STAU2: variants seen among roughly 807,000 people sequenced by gnomAD.
STAU2 encodes the protein double-stranded RNA-binding protein Staufen homolog 2.
STAU2 carries 20 observed loss-of-function variants against 65.9 expected under a neutral mutation model. The ratio of observed to expected loss-of-function variants is 0.30; its 90% confidence interval spans 0.21 to 0.44. The LOEUF is 0.44. STAU2 is among the 20% of genes least tolerant of loss of function. The pLI, the probability that STAU2 is intolerant of heterozygous loss-of-function variation, is 1.00. For synonymous variants in STAU2, 232 were observed against 233.9 expected (o/e 0.99, Z 0.07); for missense variants, 558 against 683.9 (o/e 0.82, Z 2.05).
intron 13 of STAU2, among the ~76,000 whole-genome samples, chr8:73,541,477 T>A (rs904984138): frequency 6.6e-6 from 1 of 152,108 alleles, no homozygotes; most frequent in African/African-American, 2.4e-5. Context: ...AAAATATTAA[T>A]CTGGGGAAGA....
chr8:73,717,156 C>CA (rs1361181481), intron 3 of STAU2, among the ~76,000 whole-genome samples: 3 of 151,950 alleles, frequency 2.0e-5, no homozygotes, highest in African/African-American at 7.2e-5. Context: ...AAAGTTGGAG[C>CA]AAATGGACAG....
intron 13 of STAU2, among the ~76,000 whole-genome samples, chr8:73,501,552 C>T (rs1038616190): frequency 3.3e-5 from 5 of 151,882 alleles, no homozygotes; most frequent in Non-Finnish European, 7.4e-5. Context: ...GTAAGTAAAA[C>T]ATTTCCCAGA....
At chr8:73,470,653 A>G (rs1819943337) in intron 13 of STAU2, among the ~76,000 whole-genome samples, 1 of 151,962 alleles carries the variant, frequency 6.6e-6, no homozygotes, top group African/African-American at 2.4e-5. Flanking sequence ...TTTTTTTTTA[A>G]ATTAGCTGGG....
At chr8:73,696,547 T>G (rs1035601422) in intron 4 of STAU2, among the ~76,000 whole-genome samples, 1 of 152,028 alleles carries the variant, frequency 6.6e-6, no homozygotes, top group Non-Finnish European at 1.5e-5. Flanking sequence ...GAGATCAAAA[T>G]TAAAAAGAAT....
intron 3 of STAU2, among the ~76,000 whole-genome samples, chr8:73,734,623 A>G (rs1187299036): frequency 6.6e-6 from 1 of 151,966 alleles, no homozygotes; most frequent in Admixed American, 6.6e-5. Flanking sequence ...GTGAAACTCC[A>G]TCTCTACTAA....
chr8:73,454,458 G>A (rs760550703), intron 13 of STAU2, among the ~76,000 whole-genome samples: 2 of 152,096 alleles, frequency 1.3e-5, no homozygotes, highest in Admixed American at 6.6e-5. Flanking sequence ...TCATAAAACC[G>A]AATTTGAAAG....
chr8:73,720,882 CA>C (rs987202636), intron 3 of STAU2, among the ~76,000 whole-genome samples: 38 of 151,526 alleles, frequency 2.5e-4, no homozygotes, highest in African/African-American at 8.7e-4. Context: ...TTTTAATTTC[CA>C]AATATTTAGA....
At chr8:73,679,527 C>CGGG (rs1202640532) in intron 5 of STAU2, among the ~76,000 whole-genome samples, 2 of 151,032 alleles carry the variant, frequency 1.3e-5, no homozygotes, top group African/African-American at 4.9e-5. Flanking sequence ...ATCCAGATCA[C>CGGG]AGAAGAATTT....
chr8:73,697,044 G>GTT (rs1563513615), intron 4 of STAU2, among the ~76,000 whole-genome samples: 1 of 151,186 alleles, frequency 6.6e-6, no homozygotes, highest in African/African-American at 2.4e-5. Context: ...GCAGACTTTT[G>GTT]TTGTTTTGTT....
At chr8:73,473,002 C>T (rs944386112) in intron 13 of STAU2, among the ~76,000 whole-genome samples, 3 of 152,202 alleles carry the variant, frequency 2.0e-5, no homozygotes, top group African/African-American at 7.2e-5. Flanking sequence ...ACATTAGAAT[C>T]TTTTCCCAGT....
intron 5 of STAU2, among the ~76,000 whole-genome samples, chr8:73,678,567 T>C (rs1223315662): frequency 6.6e-6 from 1 of 152,224 alleles, no homozygotes; most frequent in Non-Finnish European, 1.5e-5. Flanking sequence ...ACTTGGCACT[T>C]AATCTTTACC....
At chr8:73,732,921 G>A (rs1391119326) in intron 3 of STAU2, 1 of 151,920 alleles carries the variant, frequency 6.6e-6, no homozygotes, top group Admixed American at 6.6e-5. Flanking sequence ...TTTTGCCTTT[G>A]TTATCTCAAT....
intron 12 of STAU2, among the ~76,000 whole-genome samples, chr8:73,558,220 C>T (rs760947492): frequency 6.6e-6 from 1 of 152,158 alleles, no homozygotes; most frequent in Non-Finnish European, 1.5e-5. Context: ...AGTAAATGCC[C>T]GGGGTTTGCC....
At chr8:73,620,463 C>G (rs1205850093) in intron 6 of STAU2, among the ~76,000 whole-genome samples, 2 of 152,090 alleles carry the variant, frequency 1.3e-5, no homozygotes, top group African/African-American at 4.8e-5. Flanking sequence ...GCCACAGAGA[C>G]AAACAAAATT....
At chr8:73,616,521 G>T (rs558422076) in intron 7 of STAU2, among the ~76,000 whole-genome samples, 2 of 151,938 alleles carry the variant, frequency 1.3e-5, no homozygotes, top group Non-Finnish European at 2.9e-5. Flanking sequence ...CTATGCTGCC[G>T]GGCATGGTGG....
chr8:73,684,457 A>G (rs1419677077), intron 5 of STAU2, among the ~76,000 whole-genome samples: 1 of 152,200 alleles, frequency 6.6e-6, no homozygotes, highest in African/African-American at 2.4e-5. Context: ...ATAAAAATTA[A>G]CTCAAGATGG....
chr8:73,639,455 T>C (rs1814793887), intron 6 of STAU2, among the ~76,000 whole-genome samples: 2 of 152,160 alleles, frequency 1.3e-5, no homozygotes, highest in East Asian at 3.9e-4. Context: ...ACGAAAGACA[T>C]GGAAGCCTAG....
intron 13 of STAU2, among the ~76,000 whole-genome samples, chr8:73,512,547 T>C (rs1458708084): frequency 6.6e-6 from 1 of 152,210 alleles, no homozygotes; most frequent in Non-Finnish European, 1.5e-5. Flanking sequence ...TTTGGTTTTT[T>C]TTTACCAGTA....
chr8:73,577,530 A>ACATT (rs1809664921), intron 12 of STAU2, among the ~76,000 whole-genome samples: 1 of 151,774 alleles, frequency 6.6e-6, no homozygotes, highest in South Asian at 2.1e-4. Context: ...TTGTAAATGT[A>ACATT]AGTGTTTTAA....
Sources: gnomAD v4.1 joint callset for allele counts (sites outside exome capture counted in the v4.1 genomes callset) on GRCh38, gnomAD v4.1.1 for gene constraint, MANE v1.5 for transcripts, NCBI Gene and HGNC (gene_info 2026-07-23, HGNC 2026-07-21) for gene names.